The following SFI1 variants were observed in gnomAD, a reference collection of about 807,000 sequenced individuals.
SFI1 encodes protein SFI1 homolog.
A neutral mutation model predicts 207.5 loss-of-function variants in SFI1; 195 were observed. That is an observed-to-expected ratio of 0.94 (90% CI 0.84 to 1.06). SFI1 has a LOEUF of 1.06. Ranked by LOEUF, SFI1 falls within the 50% of genes least tolerant of loss-of-function variation. SFI1 has a pLI of 0.00. For missense variants in SFI1, 1,634 were observed against 1,588.0 expected (o/e 1.03, Z -0.49); for synonymous variants, 630 against 598.9 (o/e 1.05, Z -0.76).
At chr22:31,538,224 A>C (rs1416981629) in intron 4 of SFI1, 1 of 150,394 alleles carries the variant, frequency 6.6e-6, no homozygotes, top group African/African-American at 2.4e-5. Context: ...CAGCCTCCCA[A>C]AGTGCTGGGA....
Position 31,575,343 on chromosome 22 carries a change from A to G in SFI1, c.1035A>G (p.Lys345=), listed in dbSNP as rs1185687870. Residue 345 remains lysine, a synonymous_variant, in exon 10 of 33, where the codon AAA becomes AAG. Transcript: ENST00000400288. ...SLYAHHAQVE[K]LARKMALRRA... Reference sequence around the variant, plus strand: ...ACGCTCACCATGCCCAGGTGGAGAAACTGGCCAGGAAGATGGCCCTGCGGC... The same window carrying G: ...ACGCTCACCATGCCCAGGTGGAGAAGCTGGCCAGGAAGATGGCCCTGCGGC... 6.2e-7 allele frequency: 1 copy of G among 1,612,738 alleles called. No homozygotes were observed. Among genetic ancestry groups the G allele is most frequent in the Admixed American group, 1.7e-5 (1 of 59,796 alleles).
chr22:31,612,398 A>AAAAAAAAATATATATAT (rs1556369798), intron 24 of SFI1: 1 of 60,202 alleles, frequency 1.7e-5, no homozygotes, highest in African/African-American at 6.6e-5. Context: ...AAAAAAAAAA[A>AAAAAAAAATATATATAT]ATATATATAT....
chr22:31,545,871 G>C (rs1267246086), intron 4 of SFI1, among the ~76,000 whole-genome samples: 2 of 138,952 alleles, frequency 1.4e-5, no homozygotes, highest in Admixed American at 1.5e-4. Context: ...GAGCCACCGT[G>C]TCCAGCTTTT....
intron 22 of SFI1, among the ~76,000 whole-genome samples, chr22:31,609,575 C>T (rs148619964): frequency 6.6e-6 from 1 of 152,222 alleles, no homozygotes; most frequent in Non-Finnish European, 1.5e-5. Context: ...GAGTTTGCTC[C>T]AGGACAAAAC....
At chr22:31,497,218 A>G (rs1353367697) in intron 1 of SFI1, 2 of 152,266 alleles carry the variant, frequency 1.3e-5, no homozygotes, top group Non-Finnish European at 2.9e-5. Flanking sequence ...ACTTGAGTAC[A>G]GCCATACCTC....
At chr22:31,593,160 G>T (rs1304743488) in intron 15 of SFI1, among the ~76,000 whole-genome samples, 1 of 150,584 alleles carries the variant, frequency 6.6e-6, no homozygotes, top group Non-Finnish European at 1.5e-5. Flanking sequence ...CTTCCCGGAC[G>T]GGGTGGCTGC....
At chr22:31,611,342 C>T in intron 23 of SFI1, 39 bp downstream of exon 23, 1 of 1,556,510 alleles carries the variant, frequency 6.4e-7, no homozygotes, top group Non-Finnish European at 8.7e-7. Flanking sequence ...TTCTGCCTGC[C>T]TGGCAAGGGG....
intron 8 of SFI1, 188 bp from the exon 9 acceptor site, chr22:31,572,870 G>A (rs1374673096): frequency 4.1e-6 from 2 of 491,728 alleles, no homozygotes; most frequent in Admixed American, 6.3e-5. Context: ...TTTGAAAGCA[G>A]AATGTCCCTC....
chr22:31,542,330 T>C (rs931838041), intron 4 of SFI1, among the ~76,000 whole-genome samples: 2 of 151,550 alleles, frequency 1.3e-5, no homozygotes, highest in Non-Finnish European at 2.9e-5. Context: ...ATGGGTGCTA[T>C]AAATACATAA....
chr22:31,559,928 A>G (rs567866845), intron 7 of SFI1: 2 of 575,118 alleles, frequency 3.5e-6, no homozygotes, highest in Non-Finnish European at 6.4e-6. Flanking sequence ...GGGCGGGTCC[A>G]AGAAGAAATA....
intron 7 of SFI1, among the ~76,000 whole-genome samples, chr22:31,560,400 C>CTTTTTTT (rs398061887): frequency 8.0e-6 from 1 of 125,538 alleles, no homozygotes; most frequent in African/African-American, 3.0e-5. Flanking sequence ...TGGTAATACT[C>CTTTTTTT]TTTTTTTTTT....
intron 1 of SFI1, among the ~76,000 whole-genome samples, chr22:31,501,853 T>C (rs2053832106): frequency 6.6e-6 from 1 of 152,216 alleles, no homozygotes; most frequent in African/African-American, 2.4e-5. Context: ...GGCACATTCC[T>C]CATGCCTATG....
intron 7 of SFI1, chr22:31,559,855 C>T (rs2061514027): frequency 2.9e-6 from 2 of 678,410 alleles, no homozygotes; most frequent in Non-Finnish European, 5.5e-6. Flanking sequence ...GACCGCACCA[C>T]TTCTGGGGCC....
intron 27 of SFI1, chr22:31,614,167 C>T (rs1185061098): frequency 1.2e-5 from 5 of 403,316 alleles, no homozygotes; most frequent in African/African-American, 4.0e-5. Flanking sequence ...GAGTCATACA[C>T]GTAGTTGACA....
chr22:31,599,529 G>T (rs368007365), intron 15 of SFI1, among the ~76,000 whole-genome samples: 1 of 152,060 alleles, frequency 6.6e-6, no homozygotes, highest in African/African-American at 2.4e-5. Flanking sequence ...GTTTCACCAT[G>T]TTGGGTTGGC....
intron 9 of SFI1, among the ~76,000 whole-genome samples, chr22:31,573,499 G>A (rs141855019): frequency 6.0e-5 from 9 of 150,656 alleles, no homozygotes; most frequent in South Asian, 2.1e-4. Flanking sequence ...GTGCAGTGGC[G>A]CAATCTCGGC....
intron 2 of SFI1, 42 bp from the exon 3 acceptor site, chr22:31,528,648 T>G (rs747679408): frequency 2.6e-6 from 4 of 1,563,002 alleles, no homozygotes; most frequent in Non-Finnish European, 3.5e-6. Context: ...CATGCAGAGA[T>G]AACTTTATTC....
intron 16 of SFI1, 118 bp from the exon 17 acceptor site, chr22:31,602,489 G>A (rs138832782): frequency 6.5e-5 from 84 of 1,300,666 alleles, no homozygotes; most frequent in Non-Finnish European, 8.6e-5. Context: ...GCTGGACCAC[G>A]TCCTGACATC....
At chr22:31,610,121 G>A (rs527875587) in intron 22 of SFI1, among the ~76,000 whole-genome samples, 18 of 152,324 alleles carry the variant, frequency 1.2e-4, no homozygotes, top group African/African-American at 4.3e-4. Context: ...TGACTGGCTT[G>A]TATTAAGGCC....
Sources: gnomAD v4.1 joint callset for allele counts (sites outside exome capture counted in the v4.1 genomes callset) on GRCh38, gnomAD v4.1.1 for gene constraint, MANE v1.5 for transcripts, NCBI Gene and HGNC (gene_info 2026-07-23, HGNC 2026-07-21) for gene names.